Variants in CAMK1D observed in about 807,000 individuals in gnomAD.
The protein encoded by CAMK1D is calcium/calmodulin-dependent protein kinase type 1D.
CAMK1D carries 9 observed loss-of-function variants against 47.7 expected under a neutral mutation model. The ratio of observed to expected loss-of-function variants is 0.19; its 90% CI spans 0.11 to 0.33. The LOEUF (loss-of-function observed/expected upper bound fraction) is 0.33, where lower values mean the gene tolerates loss of function less well. Among genes scored for constraint, CAMK1D ranks in the 10% least tolerant of loss-of-function variants. The pLI, the probability that CAMK1D is intolerant of heterozygous loss-of-function variation, is 1.00. For synonymous variants in CAMK1D, 184 were observed against 184.9 expected (o/e 0.99, Z 0.04); for missense variants, 291 against 488.7 (o/e 0.60, Z 3.81).
chr10:12,760,479 C>T (rs10508448), intron 3 of CAMK1D: 2,161 of 154,132 alleles, frequency 0.014, 47 homozygotes, highest in African/African-American at 0.048. Flanking sequence ...AGGCGGTGTT[C>T]GTATCCCAGT....
intron 1 of CAMK1D, among the ~76,000 whole-genome samples, chr10:12,550,639 G>A (rs1278717870): frequency 2.6e-5 from 4 of 152,234 alleles, no homozygotes; most frequent in Non-Finnish European, 5.9e-5. Flanking sequence ...TTTATATTTA[G>A]TGATGATTGT....
chr10:12,403,533 C>A (rs192289776), intron 1 of CAMK1D, among the ~76,000 whole-genome samples: 78 of 152,268 alleles, frequency 5.1e-4, no homozygotes, highest in Non-Finnish European at 5.6e-4. Context: ...ACATGAACAG[C>A]TATTCTATAA....
At chr10:12,799,173 T>C (rs1487815947) in intron 6 of CAMK1D, among the ~76,000 whole-genome samples, 1 of 152,182 alleles carries the variant, frequency 6.6e-6, no homozygotes, top group Non-Finnish European at 1.5e-5. Context: ...CGCAACACCA[T>C]GTAATGTGGT....
chr10:12,745,632 C>T (rs1483116073), intron 3 of CAMK1D, among the ~76,000 whole-genome samples: 4 of 143,818 alleles, frequency 2.8e-5, no homozygotes, highest in East Asian at 2.0e-4. Context: ...GATGGAGTTT[C>T]GCTCTTGTTG....
At chr10:12,483,662 C>T (rs1446883448) in intron 1 of CAMK1D, among the ~76,000 whole-genome samples, 6 of 151,808 alleles carry the variant, frequency 4.0e-5, no homozygotes, top group Non-Finnish European at 8.8e-5. Context: ...TCACACCTGG[C>T]CTCTAAAAAA....
chr10:12,460,182 C>G (rs1833380388), intron 1 of CAMK1D, among the ~76,000 whole-genome samples: 1 of 151,914 alleles, frequency 6.6e-6, no homozygotes, highest in South Asian at 2.1e-4. Flanking sequence ...CCAGGAGTAG[C>G]AGACATCCTC....
At chr10:12,539,921 A>AT (rs1836109804) in intron 1 of CAMK1D, among the ~76,000 whole-genome samples, 2 of 152,076 alleles carry the variant, frequency 1.3e-5, no homozygotes, top group African/African-American at 4.8e-5. Flanking sequence ...AAAGAGGTGA[A>AT]TTTTTTTAAG....
chr10:12,606,564 A>G (rs565192016), intron 2 of CAMK1D, among the ~76,000 whole-genome samples: 1 of 152,256 alleles, frequency 6.6e-6, no homozygotes, highest in East Asian at 1.9e-4. Context: ...CATTTGAAAC[A>G]TCCTCCTCTG....
intron 1 of CAMK1D, among the ~76,000 whole-genome samples, chr10:12,436,861 G>A (rs568685793): frequency 6.6e-6 from 1 of 152,150 alleles, no homozygotes; most frequent in Non-Finnish European, 1.5e-5. Context: ...TTGATGATTC[G>A]CTCCACGGAC....
chr10:12,507,139 G>A (rs538553802), intron 1 of CAMK1D, among the ~76,000 whole-genome samples: 2 of 152,350 alleles, frequency 1.3e-5, no homozygotes, highest in South Asian at 4.1e-4. Context: ...TGCAGCTACT[G>A]TGTGAACACC....
intron 3 of CAMK1D, among the ~76,000 whole-genome samples, chr10:12,740,757 GTTTTGT>G (rs1835392337): frequency 6.6e-6 from 1 of 152,146 alleles, no homozygotes; most frequent in African/African-American, 2.4e-5. Context: ...AGAGATCTCT[GTTTTGT>G]TTTTGTTTTT....
chr10:12,424,396 C>T (rs542697931), intron 1 of CAMK1D, among the ~76,000 whole-genome samples: 53 of 152,208 alleles, frequency 3.5e-4, no homozygotes, highest in African/African-American at 1.2e-3. Flanking sequence ...TTTCTAATCC[C>T]TCCTCCAAGT....
intron 1 of CAMK1D, among the ~76,000 whole-genome samples, chr10:12,515,599 T>C (rs1835183404): frequency 1.6e-5 from 1 of 63,114 alleles, no homozygotes; most frequent in Non-Finnish European, 2.9e-5. Context: ...CCCCAGAGTG[T>C]GATATTCCCC....
At chr10:12,787,748 T>G (rs1193654799) in intron 5 of CAMK1D, among the ~76,000 whole-genome samples, 1 of 152,232 alleles carries the variant, frequency 6.6e-6, no homozygotes, top group African/African-American at 2.4e-5. Context: ...ACGCCTGTAA[T>G]CCCAGCACTT....
intron 2 of CAMK1D, among the ~76,000 whole-genome samples, chr10:12,610,729 A>G (rs1838594309): frequency 6.6e-6 from 1 of 152,226 alleles, no homozygotes; most frequent in Non-Finnish European, 1.5e-5. Flanking sequence ...AGGCTCAAAA[A>G]GCAACCTTTT....
intron 6 of CAMK1D, among the ~76,000 whole-genome samples, chr10:12,801,248 TC>T (rs1838419224): frequency 1.3e-5 from 2 of 151,816 alleles, no homozygotes; most frequent in East Asian, 3.9e-4. Flanking sequence ...CATCCATCCA[TC>T]CATCCATCCA....
chr10:12,625,871 G>A (rs1470423889), intron 2 of CAMK1D, among the ~76,000 whole-genome samples: 6 of 152,132 alleles, frequency 3.9e-5, no homozygotes, highest in Non-Finnish European at 8.8e-5. Flanking sequence ...GACTTCTGAG[G>A]CAAAAGCCAT....
chr10:12,522,743 A>G (rs1382645181), intron 1 of CAMK1D, among the ~76,000 whole-genome samples: 11 of 151,096 alleles, frequency 7.3e-5, no homozygotes, highest in African/African-American at 2.4e-4. Context: ...GTGGCCGGGC[A>G]GAGGGGCTCC....
chr10:12,540,339 A>G (rs1191865976), intron 1 of CAMK1D, among the ~76,000 whole-genome samples: 3 of 152,198 alleles, frequency 2.0e-5, no homozygotes, highest in Non-Finnish European at 1.5e-5. Flanking sequence ...TCAACCTTTA[A>G]CAAATGGCAT....
Sources: gnomAD v4.1 joint callset for allele counts (sites outside exome capture counted in the v4.1 genomes callset) on GRCh38, gnomAD v4.1.1 for gene constraint, MANE v1.5 for transcripts, NCBI Gene and HGNC (gene_info 2026-07-23, HGNC 2026-07-21) for gene names.